The following ZC3H12C variants were observed in gnomAD, a reference collection of about 807,000 sequenced individuals.
ZC3H12C encodes probable ribonuclease ZC3H12C.
ZC3H12C carries 20 observed loss-of-function variants against 76.3 expected under a neutral mutation model. That is an observed-to-expected ratio of 0.26 (90% CI 0.18 to 0.38). The LOEUF (loss-of-function observed/expected upper bound fraction) is 0.38. ZC3H12C is among the 10% of genes least tolerant of loss of function. The pLI, the probability that ZC3H12C is intolerant of heterozygous loss-of-function variation, is 1.00. For missense variants in ZC3H12C, 874 were observed against 1,086.5 expected (o/e 0.80, Z 2.75); for synonymous variants, 352 against 399.6 (o/e 0.88, Z 1.42).
intron 2 of ZC3H12C, among the ~76,000 whole-genome samples, chr11:110,146,749 A>AT (rs902863800): frequency 2.8e-4 from 43 of 151,148 alleles, no homozygotes; most frequent in African/African-American, 6.5e-4. Context: ...ATCTTTCTAC[A>AT]TTTTTTTTTC....
In ZC3H12C at chr11:110,171,779, T is replaced by C. The variant is rs1347255191; in HGVS notation, c.*6042T>C. ...AACACATGGTCAGTATCAATGTAAA[T>C]GTTAGAGCCATGATTAATTCCTATG... On this transcript the variant is annotated 3_prime_UTR_variant, in exon 6 of 6. Transcript: ENST00000278590. The C allele has an allele frequency of 6.6e-6, 1 of 152,204 alleles. No homozygotes were observed. The highest frequency in any genetic ancestry group is 1.5e-5 in the Non-Finnish European group (1 of 68,040). 9.4% of individuals were successfully genotyped at this position (152,204 alleles called of 1,614,324 possible). A position where few individuals can be genotyped will look rare whatever the true frequency, so the allele number is the denominator to read the frequency against.
Position 110,165,433 on chromosome 11 carries a change from G to A in ZC3H12C, c.2348G>A (p.Gly783Glu). 6.2e-7 allele frequency: 1 copy of A among 1,613,988 alleles called. No homozygotes were observed. Among genetic ancestry groups the A allele is most frequent in the Non-Finnish European group, 8.5e-7 (1 of 1,179,888 alleles). ...GLGSWERPGY[G>E]IDAYGYRQTY... ...GGAAGCTGGGAGAGGCCAGGCTATG[G>A]GATCGACGCCTATGGGTACCGGCAG... is the stretch of plus-strand genomic sequence containing the variant. Residue 783 changes from glycine (G) to glutamate (E), a missense_variant, in exon 6 of 6, where the codon GGG becomes GAG. This residue lies in a region of ZC3H12C where 395 missense variants were observed against 434.4 expected (regional missense o/e 0.91). Transcript: ENST00000278590.
intron 1 of ZC3H12C, among the ~76,000 whole-genome samples, chr11:110,117,692 C>A (rs765987526): frequency 3.0e-5 from 4 of 133,898 alleles, no homozygotes; most frequent in Non-Finnish European, 4.7e-5. Flanking sequence ...TATATACACA[C>A]ACACATATAT....
At chr11:110,136,588 C>T in intron 1 of ZC3H12C, 75 bp from the exon 2 acceptor site, 1 of 1,479,300 alleles carries the variant, frequency 6.8e-7, no homozygotes, top group Non-Finnish European at 9.1e-7. Flanking sequence ...TTGAGTAATT[C>T]TCTTCTGACT....
chr11:110,114,665 A>G (rs1861492608), intron 1 of ZC3H12C, among the ~76,000 whole-genome samples: 1 of 152,214 alleles, frequency 6.6e-6, no homozygotes, highest in Admixed American at 6.5e-5. Flanking sequence ...AAAATGTATT[A>G]TTTGTATAGA....
chr11:110,109,752 T>C (rs553385066), intron 1 of ZC3H12C, among the ~76,000 whole-genome samples: 6 of 152,328 alleles, frequency 3.9e-5, no homozygotes, highest in South Asian at 2.1e-4. Context: ...GGCCATATCC[T>C]GTAGGCTATA....
intron 2 of ZC3H12C, among the ~76,000 whole-genome samples, chr11:110,145,225 C>T (rs1862141609): frequency 6.6e-6 from 1 of 152,158 alleles, no homozygotes; most frequent in South Asian, 2.1e-4. Context: ...ATTATTTTGA[C>T]TTCTTAGGCC....
chr11:110,162,672 TA>T (rs1379634402), intron 4 of ZC3H12C, among the ~76,000 whole-genome samples: 2 of 152,248 alleles, frequency 1.3e-5, no homozygotes, highest in African/African-American at 4.8e-5. Flanking sequence ...GAGTTAGATC[TA>T]ATTGAATCTT....
intron 1 of ZC3H12C, among the ~76,000 whole-genome samples, chr11:110,115,192 G>A (rs1004111493): frequency 1.3e-5 from 2 of 150,696 alleles, no homozygotes; most frequent in East Asian, 2.0e-4. Context: ...CTGCAGCCTC[G>A]CACTCCTGGG....
rs142687232 is a variant in ZC3H12C at position 110,097,057 on chromosome 11, A to G, written c.21+3625A>G. On this transcript the variant is annotated intron_variant, in intron 1 of 5. Transcript: ENST00000278590. Reference sequence around the variant, plus strand: ...CTTACTGTGGAATAAATTAGAAAATATAGAGAGGTATAAAGAATTTTTAAA... The same window carrying G: ...CTTACTGTGGAATAAATTAGAAAATGTAGAGAGGTATAAAGAATTTTTAAA... Among the ~76,000 whole-genome samples the G allele has an allele frequency of 8.3e-3, 1,258 of 152,342 alleles. 19 individuals carry two copies. Among genetic ancestry groups the G allele is most frequent in the African/African-American group, 0.027 (1,139 of 41,572 alleles).
intron 1 of ZC3H12C, among the ~76,000 whole-genome samples, chr11:110,117,056 CCAGT>C (rs1423387944): frequency 1.3e-5 from 2 of 152,198 alleles, no homozygotes; most frequent in Non-Finnish European, 2.9e-5. Flanking sequence ...AACAAGTGGT[CCAGT>C]CTAGCCTAGC....
intron 1 of ZC3H12C, among the ~76,000 whole-genome samples, chr11:110,119,991 G>A (rs116959194): frequency 4.6e-3 from 700 of 152,182 alleles, no homozygotes; most frequent in Middle Eastern, 0.02. Flanking sequence ...CTTTGTTTAG[G>A]TGGCTGCATA....
At chr11:110,132,534 C>A (rs1372167920) in intron 1 of ZC3H12C, among the ~76,000 whole-genome samples, 1 of 152,090 alleles carries the variant, frequency 6.6e-6, no homozygotes, top group Non-Finnish European at 1.5e-5. Flanking sequence ...AATACAGTAT[C>A]TGGAAGGAAT....
At chr11:110,096,346 T>A (rs1353901682) in intron 1 of ZC3H12C, among the ~76,000 whole-genome samples, 1 of 152,268 alleles carries the variant, frequency 6.6e-6, no homozygotes, top group Non-Finnish European at 1.5e-5. Context: ...ATATGTGTTG[T>A]GGCGGCATCA....
chr11:110,139,079 A>T (rs992557604), intron 2 of ZC3H12C, among the ~76,000 whole-genome samples: 2 of 152,186 alleles, frequency 1.3e-5, no homozygotes, highest in African/African-American at 4.8e-5. Context: ...TTAATGATGT[A>T]TGCTGAAATT....
Position 110,165,616 on chromosome 11 carries a change from A to G in ZC3H12C, c.2531A>G (p.Asn844Ser), listed in dbSNP as rs1420530489. The G allele has an allele frequency of 6.2e-7, 1 of 1,602,092 alleles. No homozygotes were observed. Among genetic ancestry groups the G allele is most frequent in the East Asian group, 2.2e-5 (1 of 44,466 alleles). The part of the protein sequence containing the change: ...YQDNREKIYI[N>S]LCNIFPPDLV... ...GACAACCGAGAAAAGATTTATATCA[A>G]TTTGTGCAACATCTTCCCCCCTGAC... Residue 844 changes from asparagine to serine, a missense_variant, in exon 6 of 6, where the codon AAT (asparagine) becomes AGT (serine). Around this residue, in one of 3 missense-constraint regions of ZC3H12C, gnomAD observed 395 missense variants for 434.4 expected, o/e 0.91. Coordinates refer to ENST00000278590, the MANE Select transcript of ZC3H12C (RefSeq NM_033390.2).
At chr11:110,113,678 T>C (rs545499480) in intron 1 of ZC3H12C, among the ~76,000 whole-genome samples, 122 of 152,308 alleles carry the variant, frequency 8.0e-4, no homozygotes, top group Admixed American at 2.1e-3. Flanking sequence ...TCAGGGACCA[T>C]TAGTAACCTT....
At position 110,136,933 on chromosome 11, in the gene ZC3H12C, C is replaced by G; in HGVS notation, c.292C>G (p.His98Asp). Residue 98 changes from histidine to aspartate, a missense_variant, in exon 2 of 6, where the codon CAT becomes GAT. His to Asp is a moderately conservative substitution (Grantham distance 81). This residue lies in a region of ZC3H12C where 210 missense variants were observed against 227.1 expected (regional missense o/e 0.92). Coordinates refer to ENST00000278590, the MANE Select transcript of ZC3H12C (RefSeq NM_033390.2). ...GDSEENTNSDHESEQLGSISV... is the reference protein window; with the variant it reads ...GDSEENTNSDDESEQLGSISV... ...CTCTGAAGAAAACACAAATTCTGAT[C>G]ATGAGTCAGAACAATTGGGTAGCAT... The G allele has an allele frequency of 6.2e-7, 1 of 1,613,686 alleles. No individual in the cohort carries two copies. The highest frequency in any genetic ancestry group is 8.5e-7 in the Non-Finnish European group (1 of 1,179,790).
At chr11:110,159,931 A>G (rs546650597) in intron 4 of ZC3H12C, among the ~76,000 whole-genome samples, 2 of 152,388 alleles carry the variant, frequency 1.3e-5, no homozygotes, top group African/African-American at 2.4e-5. Flanking sequence ...TATGAACATC[A>G]TAGAGTGTAC....
Sources: gnomAD v4.1 joint callset for allele counts (sites outside exome capture counted in the v4.1 genomes callset) on GRCh38, gnomAD v4.1.1 for gene constraint, gnomAD v4.1.1 regional missense constraint, MANE v1.5 for transcripts, NCBI Gene and HGNC (gene_info 2026-07-23, HGNC 2026-07-21) for gene names.